The following CD3G variants were observed in gnomAD, a reference collection of about 807,000 sequenced individuals.
CD3G encodes CD3 gamma subunit of T-cell receptor complex.
A neutral mutation model predicts 28.3 loss-of-function variants in CD3G; 24 were observed. The ratio of observed to expected loss-of-function variants is 0.85; its 90% CI spans 0.61 to 1.19. The LOEUF (loss-of-function observed/expected upper bound fraction) is 1.19. CD3G is among the 50% of genes most tolerant of loss of function. The pLI is 0.00. For missense variants in CD3G, 211 were observed against 210.0 expected, an observed-to-expected ratio of 1.00 and a Z score of -0.03; for synonymous variants, 71 against 75.9, an observed-to-expected ratio of 0.93 and a Z score of 0.34.
intron 1 of CD3G, among the ~76,000 whole-genome samples, chr11:118,347,059 T>C (rs1394553732): frequency 3.3e-5 from 5 of 152,234 alleles, no homozygotes; most frequent in Non-Finnish European, 7.3e-5. Flanking sequence ...CACTGGATAC[T>C]GTTCAAAAAT....
rs1200465055 is a variant in CD3G at position 118,352,058 on chromosome 11, C to CAAA, written c.484-340_484-338dup. On this transcript the variant is annotated intron_variant, in intron 5 of 6. Transcript: ENST00000532917. ...TGAAACTCTGTCTCTACTAAAAATA[C>CAAA]AAAAAAAATTAACCAGGCGTGGAGG... 5.3e-5 allele frequency among the ~76,000 whole-genome samples: 8 copies of CAAA among 151,628 alleles called. No homozygotes were observed. In the South Asian group the frequency reaches 1.7e-3, roughly 32 times the overall value.
intron 1 of CD3G, among the ~76,000 whole-genome samples, chr11:118,347,118 A>G (rs1948364067): frequency 6.6e-6 from 1 of 152,160 alleles, no homozygotes; most frequent in South Asian, 2.1e-4. Flanking sequence ...TTGTATTTCC[A>G]TTATACTTTG....
chr11:118,346,448 C>T (rs764929567), intron 1 of CD3G, among the ~76,000 whole-genome samples: 35 of 142,870 alleles, frequency 2.4e-4, no homozygotes, highest in South Asian at 6.7e-4. Context: ...AAAAACAAAA[C>T]AAAAAAAAAA....
chr11:118,344,398 G>C lies in CD3G; in HGVS notation c.-26G>C, dbSNP rs200326844. On this transcript the variant is annotated 5_prime_UTR_variant, in exon 1 of 7. Transcript: ENST00000532917. ...GGCTGGCTGCTAAGGGCTGCTCCAC[G>C]CTTTTGCCGGAGGACAGAGACTGAC... The C allele has an allele frequency of 3.2e-6, 5 of 1,557,522 alleles. No homozygotes were observed. The South Asian group carries it at 5.9e-5, about 18-fold the overall frequency.
At chr11:118,348,570 C>A (rs1453303694) in intron 1 of CD3G, among the ~76,000 whole-genome samples, 1 of 152,102 alleles carries the variant, frequency 6.6e-6, no homozygotes, top group Non-Finnish European at 1.5e-5. Context: ...ATTGAGGTAT[C>A]TTTACATAGG....
chr11:118,348,445 C>G (rs1948375928), intron 1 of CD3G, among the ~76,000 whole-genome samples: 1 of 152,190 alleles, frequency 6.6e-6, no homozygotes. Context: ...GGGTCCCGAA[C>G]ACAGAGCCTC....
rs1156568517 is a variant in CD3G, at chr11:118,350,571, A to T, written c.327A>T (p.Glu109Asp). Residue 109 changes from glutamate (E) to aspartate (D), a missense_variant, in exon 4 of 7, where the codon GAA (glutamate) becomes GAT (aspartate). Glu to Asp is a conservative substitution (Grantham distance 45). Transcript: ENST00000532917. The stretch of plus-strand genomic sequence containing the variant: ...CTACAGTGTGTCAGAACTGCATTGA[A>T]CTAAATGCAGCCACCATATCTGGCT... ...VYYRMCQNCI[E>D]LNAATISGFL... 6.2e-7 allele frequency: 1 copy of T among 1,613,358 alleles called. No homozygotes were observed.
At position 118,352,647 on chromosome 11, in the gene CD3G, G is replaced by A. The variant is rs150739813; in HGVS notation, c.*18+160G>A. 9.0e-3 allele frequency among the ~76,000 whole-genome samples: 1,364 copies of A among 152,244 alleles called. 7 individuals are homozygous for A. The highest frequency in any genetic ancestry group is 0.013 in the Non-Finnish European group (884 of 68,022). ...GGGTACTCTTTTCTAAAAATTCTGG[G>A]GCCATACTGATTGTCTTGGCCTAGG... On this transcript the variant is annotated intron_variant, in intron 6 of 6. Coordinates refer to ENST00000532917, the MANE Select transcript of CD3G (RefSeq NM_000073.3).
chr11:118,346,066 G>C (rs189691331), intron 1 of CD3G, among the ~76,000 whole-genome samples: 98 of 152,300 alleles, frequency 6.4e-4, no homozygotes, highest in African/African-American at 2.3e-3. Context: ...TCTGGATCCA[G>C]CTTGGACACC....
In CD3G at chr11:118,353,216, GT is replaced by G. The variant is rs1416239742; in HGVS notation, c.*118del. 1 of 152,018 alleles carries G rather than the reference GT, an allele frequency of 6.6e-6. No homozygotes were observed. Among genetic ancestry groups the G allele is most frequent in the Non-Finnish European group, 1.5e-5 (1 of 68,036 alleles). The allele number at this position is 152,018 out of a possible 1,614,324, so 9.4% of individuals were successfully genotyped here. ...TTTCAGCCCTAAATCTAGACTCAAG[GT>G]TCCCAGAGATGACAAATGGAGAAGA... On this transcript the variant is annotated 3_prime_UTR_variant, in exon 7 of 7. Coordinates refer to ENST00000532917, the MANE Select transcript of CD3G (RefSeq NM_000073.3).
At chr11:118,352,543 A>T in intron 6 of CD3G, 56 bp downstream of exon 6, 2 of 1,155,744 alleles carry the variant, frequency 1.7e-6, no homozygotes, top group Non-Finnish European at 2.6e-6. Flanking sequence ...TGCCCTCGCA[A>T]TTGCTTCTAA....
chr11:118,354,914 T>A lies in CD3G; in HGVS notation c.*1814T>A, dbSNP rs1398494268. The A allele has an allele frequency of 6.6e-6, 1 of 152,182 alleles. No individual in the cohort carries two copies. Among genetic ancestry groups the A allele is most frequent in the East Asian group, 1.9e-4 (1 of 5,206 alleles). 9.4% of individuals were successfully genotyped at this position (152,182 alleles called of 1,614,324 possible). On this transcript the variant is annotated 3_prime_UTR_variant, in exon 7 of 7. Transcript: ENST00000532917. ...TCTACCAATCTGTGGTTTGTTTTTCTTAATGGTGTCTTTTGAAGTGCAAAA... is the reference window on the plus strand; with the variant it reads ...TCTACCAATCTGTGGTTTGTTTTTCATAATGGTGTCTTTTGAAGTGCAAAA...
chr11:118,352,546 G>A, intron 6 of CD3G, 59 bp downstream of exon 6: 1 of 1,140,808 alleles, frequency 8.8e-7, no homozygotes, highest in South Asian at 1.2e-5. Flanking sequence ...CCTCGCAATT[G>A]CTTCTAAGTC....
chr11:118,344,728 G>A (rs375276053), intron 1 of CD3G, among the ~76,000 whole-genome samples: 28 of 152,354 alleles, frequency 1.8e-4, no homozygotes, highest in African/African-American at 6.7e-4. Flanking sequence ...AGAGGACCCT[G>A]TTACCGCCAT....
intron 2 of CD3G, 163 bp downstream of exon 2, chr11:118,349,213 C>A: frequency 6.3e-7 from 1 of 1,577,488 alleles, no homozygotes; most frequent in Non-Finnish European, 8.6e-7. Flanking sequence ...CCTGACATAA[C>A]CTGTTCCGGG....
chr11:118,348,088 C>T (rs1948372892), intron 1 of CD3G, among the ~76,000 whole-genome samples: 1 of 152,200 alleles, frequency 6.6e-6, no homozygotes, highest in Non-Finnish European at 1.5e-5. Flanking sequence ...ATTAGCTGCT[C>T]AAGAAGCAGA....
rs1266522537 is a variant in CD3G at position 118,344,438 on chromosome 11, G to C, written c.15G>C (p.Lys5Asn). The change falls in exon 1 of 7, where the codon AAG becomes AAC. Residue 5 changes from lysine to asparagine, a missense_variant. Coordinates refer to ENST00000532917, the MANE Select transcript of CD3G (RefSeq NM_000073.3). MEQG[K>N]GLAVLILAII... ...CAGAGACTGACATGGAACAGGGGAA[G>C]GGCCTGGCTGTCCTCATCCTGGCTA... is the stretch of plus-strand genomic sequence containing the variant. 1.3e-6 allele frequency: 2 copies of C among 1,571,888 alleles called. No individual in the cohort carries two copies. Among genetic ancestry groups the C allele is most frequent in the South Asian group, 2.3e-5 (2 of 85,314 alleles).
chr11:118,346,985 T>C (rs1391699746), intron 1 of CD3G, among the ~76,000 whole-genome samples: 1 of 152,182 alleles, frequency 6.6e-6, no homozygotes, highest in Non-Finnish European at 1.5e-5. Flanking sequence ...TTTCTCCCAT[T>C]TGCTCATTTA....
chr11:118,346,759 G>A (rs1948360441), intron 1 of CD3G, among the ~76,000 whole-genome samples: 1 of 145,268 alleles, frequency 6.9e-6, no homozygotes, highest in East Asian at 2.0e-4. Flanking sequence ...GCTGCAGTGA[G>A]CCATGATCAC....
Sources: allele counts gnomAD v4.1 joint callset (sites outside exome capture counted in the v4.1 genomes callset), GRCh38; gene constraint gnomAD v4.1.1; transcripts MANE v1.5; gene names NCBI Gene and HGNC (gene_info 2026-07-23, HGNC 2026-07-21).